CSNK2A2IP: variants seen among roughly 807,000 people sequenced by gnomAD.
The protein encoded by CSNK2A2IP is casein kinase II subunit alpha'-interacting protein.
the CSNK2A2IP span, among the ~76,000 whole-genome samples, chr3:88,437,477 C>T: frequency 6.6e-6 from 1 of 152,134 alleles, no homozygotes; most frequent in East Asian, 1.9e-4. Flanking sequence ...TGGTGCAATA[C>T]CTTTATTATG....
the CSNK2A2IP span, among the ~76,000 whole-genome samples, chr3:88,406,835 C>T: frequency 3.3e-5 from 5 of 152,046 alleles, no homozygotes; most frequent in Admixed American, 6.6e-5. Flanking sequence ...TGCGGCAGAC[C>T]GATGTAGCCA....
the CSNK2A2IP span, among the ~76,000 whole-genome samples, chr3:88,418,463 T>TGTGTGTGTGTGCGCGCGCGC: frequency 6.7e-6 from 1 of 149,632 alleles, no homozygotes; most frequent in African/African-American, 2.5e-5. Context: ...TGTGTGTGTG[T>TGTGTGTGTGTGCGCGCGCGC]GCGCGCGGGC....
the CSNK2A2IP span, among the ~76,000 whole-genome samples, chr3:88,414,270 G>GTTTTTTTTT: frequency 2.0e-4 from 13 of 64,100 alleles, no homozygotes; most frequent in African/African-American, 5.1e-4. Flanking sequence ...TACCAACAAA[G>GTTTTTTTTT]TTTTTTTTTT....
the CSNK2A2IP span, among the ~76,000 whole-genome samples, chr3:88,355,566 T>G: frequency 2.0e-5 from 3 of 152,162 alleles, no homozygotes; most frequent in South Asian, 4.1e-4. Flanking sequence ...TAATATTGCT[T>G]TCTGATATGT....
the CSNK2A2IP span, among the ~76,000 whole-genome samples, chr3:88,384,425 C>CT: frequency 6.6e-6 from 1 of 151,718 alleles, no homozygotes; most frequent in South Asian, 2.1e-4. Context: ...GCGAAAGAGA[C>CT]TTGCCAGCCA....
At chr3:88,465,652 A>AAC in the CSNK2A2IP span, 3 of 1,231,648 alleles carry the variant, frequency 2.4e-6, no homozygotes, top group Non-Finnish European at 3.0e-6. Context: ...CAAGCATCAG[A>AAC]ACACACCTTC....
chr3:88,446,629 C>T, the CSNK2A2IP span, among the ~76,000 whole-genome samples: 1 of 152,064 alleles, frequency 6.6e-6, no homozygotes, highest in Non-Finnish European at 1.5e-5. Flanking sequence ...GTGAAATGAT[C>T]CTTCAAAGCA....
chr3:88,419,262 A>T, the CSNK2A2IP span, among the ~76,000 whole-genome samples: 1 of 152,192 alleles, frequency 6.6e-6, no homozygotes, highest in Non-Finnish European at 1.5e-5. Context: ...TGTCTTCTAC[A>T]AAACTTGTCC....
chr3:88,389,414 T>C, the CSNK2A2IP span, among the ~76,000 whole-genome samples: 5,706 of 152,116 alleles, frequency 0.038, 260 homozygotes, highest in African/African-American at 0.11. Flanking sequence ...CTGATGTGGA[T>C]GGAGAGAAGT....
the CSNK2A2IP span, among the ~76,000 whole-genome samples, chr3:88,416,930 A>G: frequency 6.6e-6 from 1 of 152,018 alleles, no homozygotes; most frequent in African/African-American, 2.4e-5. Flanking sequence ...TTATGGCATG[A>G]AAATAATTTA....
the CSNK2A2IP span, among the ~76,000 whole-genome samples, chr3:88,461,286 G>T: frequency 6.6e-6 from 1 of 152,124 alleles, no homozygotes; most frequent in African/African-American, 2.4e-5. Flanking sequence ...AGGTACAGTG[G>T]CTCACGCCTG....
chr3:88,345,508 T>G, the CSNK2A2IP span, among the ~76,000 whole-genome samples: 3 of 152,040 alleles, frequency 2.0e-5, no homozygotes, highest in Admixed American at 6.6e-5. Flanking sequence ...CATCAGCACA[T>G]GCTCACTTCA....
the CSNK2A2IP span, among the ~76,000 whole-genome samples, chr3:88,341,764 TA>T: frequency 6.6e-6 from 1 of 151,940 alleles, no homozygotes; most frequent in African/African-American, 2.4e-5. Flanking sequence ...CTATTTAAAA[TA>T]AACTTTCGGA....
chr3:88,446,097 T>C, the CSNK2A2IP span, among the ~76,000 whole-genome samples: 1 of 130,792 alleles, frequency 7.6e-6, no homozygotes, highest in African/African-American at 2.9e-5. Flanking sequence ...TTTCTTTCTT[T>C]CTTTTTTTCT....
At chr3:88,435,500 A>C in the CSNK2A2IP span, among the ~76,000 whole-genome samples, 1 of 152,168 alleles carries the variant, frequency 6.6e-6, no homozygotes, top group Non-Finnish European at 1.5e-5. Flanking sequence ...TTATCTATCA[A>C]CCAAACTGAG....
chr3:88,463,311 C>A, the CSNK2A2IP span, among the ~76,000 whole-genome samples: 1 of 149,888 alleles, frequency 6.7e-6, no homozygotes, highest in Admixed American at 6.7e-5. Context: ...CAACCTTGGA[C>A]CCTGAAAAAT....
At chr3:88,465,426 C>G in the CSNK2A2IP span, 1 of 1,231,654 alleles carries the variant, frequency 8.1e-7, no homozygotes, top group East Asian at 3.2e-5. Context: ...TGTCCTCAGC[C>G]AATACATTAA....
At chr3:88,349,805 T>C in the CSNK2A2IP span, among the ~76,000 whole-genome samples, 1 of 152,040 alleles carries the variant, frequency 6.6e-6, no homozygotes, top group Non-Finnish European at 1.5e-5. Context: ...TATTTTTTTG[T>C]GTGTGTGTGT....
chr3:88,360,428 C>T, the CSNK2A2IP span, among the ~76,000 whole-genome samples: 7 of 152,216 alleles, frequency 4.6e-5, no homozygotes, highest in South Asian at 2.1e-4. Context: ...CCACTGCGCC[C>T]GGCCAAGAGT....
Sources: allele counts gnomAD v4.1 joint callset (sites outside exome capture counted in the v4.1 genomes callset), GRCh38; gene constraint gnomAD v4.1.1; transcripts MANE v1.5; gene names NCBI Gene and HGNC (gene_info 2026-07-23, HGNC 2026-07-21).